Variants in AKAP6 observed in about 807,000 individuals in gnomAD.
AKAP6 encodes the protein A-kinase anchor protein 6.
AKAP6 carries 58 observed loss-of-function variants against 188.5 expected under a neutral mutation model. The observed-to-expected ratio is 0.31, with a 90% CI of 0.25 to 0.38. The LOEUF (loss-of-function observed/expected upper bound fraction) is 0.38. Ranked by LOEUF, AKAP6 falls within the 10% of genes least tolerant of loss-of-function variation. The pLI is 1.00. For missense variants in AKAP6, 2,710 were observed against 2,740.0 expected (o/e 0.99, Z 0.24); for synonymous variants, 989 against 998.6 (o/e 0.99, Z 0.18).
intron 7 of AKAP6, among the ~76,000 whole-genome samples, chr14:32,634,141 C>T (rs185527993): frequency 5.9e-5 from 9 of 151,326 alleles, no homozygotes; most frequent in Admixed American, 4.6e-4. Context: ...TGGGACTGAA[C>T]CCAGGTCCCA....
rs114159416 is a variant in AKAP6, at chr14:32,557,085, G to T, written c.2346+10086G>T. Among the ~76,000 whole-genome samples the T allele has an allele frequency of 6.9e-3, 1,041 of 151,648 alleles. 13 individuals carry two copies. Among genetic ancestry groups the T allele is most frequent in the African/African-American group, 0.025 (1,015 of 41,396 alleles). On this transcript the variant is annotated intron_variant, in intron 4 of 13. Coordinates refer to ENST00000280979, the MANE Select transcript of AKAP6 (RefSeq NM_004274.5). ...TGAGAGCCCTTTTTTTGTTCTTGTT[G>T]GTTTGTTTTTGTTTTTTGAGACAGG...
At position 32,730,992 on chromosome 14, in the gene AKAP6, G is replaced by C. The variant is rs1442324122; in HGVS notation, c.3001-1462G>C. Among the ~76,000 whole-genome samples the C allele has an allele frequency of 2.0e-5, 3 of 152,106 alleles. No homozygotes were observed. In the East Asian group the frequency reaches 5.8e-4, roughly 29 times the overall value. On this transcript the variant is annotated intron_variant, in intron 9 of 13. Transcript: ENST00000280979. The stretch of plus-strand genomic sequence containing the variant: ...AGAATTTCTCCTGTATCACAGGCCA[G>C]ATTCTAAAAGCGCTCTAAAGCAACC...
chr14:32,373,899 C>T lies in AKAP6; in HGVS notation c.-35+44491C>T, dbSNP rs146221828. Among the ~76,000 whole-genome samples the T allele has an allele frequency of 4.8e-4, 73 of 152,316 alleles. No individual in the cohort carries two copies. In the East Asian group the frequency reaches 0.013, roughly 27 times the overall value. On this transcript the variant is annotated intron_variant, in intron 1 of 13. Coordinates refer to ENST00000280979, the MANE Select transcript of AKAP6 (RefSeq NM_004274.5). ...GTCTTTATAGGAAGAAAAACCCTTA[C>T]TCCATAATTATAGAAGACAGATTTG...
At chr14:32,366,026 G>A (rs1887821308) in intron 1 of AKAP6, among the ~76,000 whole-genome samples, 1 of 152,062 alleles carries the variant, frequency 6.6e-6, no homozygotes, top group Non-Finnish European at 1.5e-5. Context: ...CCCCTTAGGA[G>A]GTAAACCCTC....
chr14:32,646,866 A>T (rs1594809629), intron 7 of AKAP6, among the ~76,000 whole-genome samples: 3 of 152,266 alleles, frequency 2.0e-5, no homozygotes, highest in African/African-American at 7.2e-5. Flanking sequence ...ATACTTGAGG[A>T]AAGTTGCAAT....
chr14:32,396,820 A>G (rs1488192828), intron 1 of AKAP6, among the ~76,000 whole-genome samples: 1 of 151,898 alleles, frequency 6.6e-6, no homozygotes, highest in Non-Finnish European at 1.5e-5. Flanking sequence ...CAACCATAGA[A>G]CTCACCCTTA....
At position 32,650,388 on chromosome 14, in the gene AKAP6, G is replaced by A. The variant is rs188826199; in HGVS notation, c.2731-27923G>A. Among the ~76,000 whole-genome samples the A allele has an allele frequency of 1.2e-4, 18 of 152,192 alleles. No individual in the cohort carries two copies. In the East Asian group the frequency reaches 3.5e-3, roughly 29 times the overall value. On this transcript the variant is annotated intron_variant, in intron 7 of 13. Coordinates refer to ENST00000280979, the MANE Select transcript of AKAP6 (RefSeq NM_004274.5). ...AGCATTTTGGGAGGCTGGGGCGGGC[G>A]GATTGCTTGAGGCCAGGAGTTCAAT...
chr14:32,471,943 C>A (rs2138863378), intron 2 of AKAP6, among the ~76,000 whole-genome samples: 1 of 152,306 alleles, frequency 6.6e-6, no homozygotes, highest in Non-Finnish European at 1.5e-5. Context: ...TATGAGATTT[C>A]TTTCAGACTT....
intron 1 of AKAP6, among the ~76,000 whole-genome samples, chr14:32,416,031 C>A (rs967146114): frequency 2.0e-4 from 31 of 152,174 alleles, no homozygotes; most frequent in Admixed American, 6.5e-5. Flanking sequence ...CTCTTTAAGA[C>A]CCTGCTTTCA....
intron 9 of AKAP6, among the ~76,000 whole-genome samples, chr14:32,730,665 A>T (rs2031131990): frequency 6.6e-6 from 1 of 152,166 alleles, no homozygotes; most frequent in Admixed American, 6.6e-5. Flanking sequence ...ACCATGTGGC[A>T]TAAGTAAAAT....
chr14:32,663,389 G>T (rs1888786647), intron 7 of AKAP6, among the ~76,000 whole-genome samples: 1 of 152,022 alleles, frequency 6.6e-6, no homozygotes, highest in South Asian at 2.1e-4. Flanking sequence ...GTCTGCTGTG[G>T]GTCAGGAATC....
chr14:32,753,362 C>G (rs2139914998), intron 11 of AKAP6, among the ~76,000 whole-genome samples: 2 of 152,068 alleles, frequency 1.3e-5, no homozygotes, highest in Admixed American at 1.3e-4. Context: ...GGGACTTTGC[C>G]TATTTGGATT....
intron 9 of AKAP6, among the ~76,000 whole-genome samples, chr14:32,716,897 A>T (rs1422374831): frequency 6.6e-6 from 1 of 152,138 alleles, no homozygotes. Flanking sequence ...TGTTAAAATC[A>T]AAGACTTCTT....
intron 12 of AKAP6, among the ~76,000 whole-genome samples, chr14:32,782,463 A>C (rs2033282509): frequency 6.6e-6 from 1 of 152,166 alleles, no homozygotes; most frequent in Admixed American, 6.5e-5. Context: ...AAGAAGCAAA[A>C]TTATTTTTAC....
chr14:32,540,260 A>G (rs919714365), intron 3 of AKAP6, among the ~76,000 whole-genome samples: 4 of 147,942 alleles, frequency 2.7e-5, no homozygotes, highest in Non-Finnish European at 4.5e-5. Context: ...GTGCAGTGGC[A>G]CGATCTTGGC....
At chr14:32,624,232 C>G (rs1246338625) in intron 7 of AKAP6, among the ~76,000 whole-genome samples, 2 of 151,938 alleles carry the variant, frequency 1.3e-5, no homozygotes, top group Non-Finnish European at 2.9e-5. Flanking sequence ...ATTAGGTGGT[C>G]GTAAATGACA....
At chr14:32,333,434 C>T (rs1029774756) in intron 1 of AKAP6, among the ~76,000 whole-genome samples, 3 of 152,188 alleles carry the variant, frequency 2.0e-5, no homozygotes, top group Admixed American at 1.3e-4. Flanking sequence ...AAGACAGATG[C>T]AAATCTCTTC....
At chr14:32,352,773 A>G (rs1998429) in intron 1 of AKAP6, among the ~76,000 whole-genome samples, 47,944 of 152,098 alleles carry the variant, frequency 0.32, 8,262 homozygotes, top group African/African-American at 0.46. Context: ...TCCATTGCGT[A>G]TGTGTACCAC....
At chr14:32,812,306 T>C (rs1481774167) in intron 12 of AKAP6, among the ~76,000 whole-genome samples, 1 of 152,234 alleles carries the variant, frequency 6.6e-6, no homozygotes, top group African/African-American at 2.4e-5. Context: ...TCTTGAACTT[T>C]CTTTTATTTG....
Sources: gnomAD v4.1 joint callset for allele counts (sites outside exome capture counted in the v4.1 genomes callset) on GRCh38, gnomAD v4.1.1 for gene constraint, MANE v1.5 for transcripts, NCBI Gene and HGNC (gene_info 2026-07-23, HGNC 2026-07-21) for gene names.